Variants in ZNF385D observed in about 807,000 individuals in gnomAD.
ZNF385D encodes zinc finger protein 659.
Under a neutral mutation model 35.8 loss-of-function variants are expected in ZNF385D, and 15 were observed. That is an observed-to-expected ratio of 0.42 (90% CI 0.28 to 0.64). ZNF385D has a LOEUF of 0.64. Ranked by LOEUF, ZNF385D falls within the 30% of genes least tolerant of loss-of-function variation. The pLI is 0.23. For synonymous variants in ZNF385D, 212 were observed against 186.8 expected (o/e 1.13, Z -1.10); for missense variants, 474 against 494.6 (o/e 0.96, Z 0.39).
intron 2 of ZNF385D, among the ~76,000 whole-genome samples, chr3:22,214,136 T>C (rs1453283320): frequency 6.6e-6 from 1 of 152,108 alleles, no homozygotes; most frequent in Non-Finnish European, 1.5e-5. Flanking sequence ...CATGGACATT[T>C]ATTAGTTCCT....
chr3:21,840,869 A>T (rs1006594093), intron 3 of ZNF385D, among the ~76,000 whole-genome samples: 4 of 152,028 alleles, frequency 2.6e-5, no homozygotes, highest in African/African-American at 9.7e-5. Flanking sequence ...CCCTGGCTTC[A>T]AAGAGTTTGC....
At chr3:21,852,651 G>A (rs925768317) in intron 3 of ZNF385D, among the ~76,000 whole-genome samples, 1 of 151,852 alleles carries the variant, frequency 6.6e-6, no homozygotes, top group Admixed American at 6.6e-5. Flanking sequence ...TATTTCTACA[G>A]TACTACTTAG....
At chr3:21,858,329 A>G (rs1025732062) in intron 3 of ZNF385D, among the ~76,000 whole-genome samples, 4 of 152,048 alleles carry the variant, frequency 2.6e-5, no homozygotes, top group Non-Finnish European at 2.9e-5. Context: ...GAACAGTTAT[A>G]TGCACAGTGG....
At chr3:21,475,672 T>C (rs1294546712) in intron 4 of ZNF385D, among the ~76,000 whole-genome samples, 1 of 152,074 alleles carries the variant, frequency 6.6e-6, no homozygotes, top group African/African-American at 2.4e-5. Flanking sequence ...TGCTCAAAGT[T>C]AAAGGCACAC....
intron 3 of ZNF385D, among the ~76,000 whole-genome samples, chr3:22,106,581 GTCTC>G (rs960002427): frequency 3.3e-5 from 5 of 152,090 alleles, no homozygotes; most frequent in Non-Finnish European, 7.4e-5. Flanking sequence ...GTCAGCTTGA[GTCTC>G]TCTCTCACCA....
intron 3 of ZNF385D, among the ~76,000 whole-genome samples, chr3:21,790,267 A>C (rs2071873336): frequency 6.6e-6 from 1 of 151,960 alleles, no homozygotes; most frequent in Non-Finnish European, 1.5e-5. Context: ...CAATTAAAAA[A>C]GTGGCTCATA....
chr3:21,958,374 T>G (rs1003247382), intron 3 of ZNF385D, among the ~76,000 whole-genome samples: 20 of 152,262 alleles, frequency 1.3e-4, no homozygotes, highest in Non-Finnish European at 2.4e-4. Context: ...TGTGTAAGTT[T>G]CATACCTCAA....
intron 1 of ZNF385D, among the ~76,000 whole-genome samples, chr3:21,696,436 A>G (rs2067473460): frequency 6.6e-6 from 1 of 152,208 alleles, no homozygotes; most frequent in African/African-American, 2.4e-5. Flanking sequence ...ATTGGTTGTT[A>G]TTATTATATT....
At chr3:22,057,392 A>C (rs1323713170) in intron 3 of ZNF385D, among the ~76,000 whole-genome samples, 2 of 152,248 alleles carry the variant, frequency 1.3e-5, no homozygotes, top group Non-Finnish European at 2.9e-5. Flanking sequence ...TGTGTTAGAA[A>C]GGACTTGAAG....
intron 2 of ZNF385D, among the ~76,000 whole-genome samples, chr3:22,200,135 A>G (rs775175396): frequency 1.3e-5 from 2 of 152,154 alleles, no homozygotes; most frequent in Non-Finnish European, 2.9e-5. Context: ...ACACAGGGCC[A>G]TAGGATAATT....
chr3:22,312,629 G>A (rs1025430949), intron 2 of ZNF385D, among the ~76,000 whole-genome samples: 16 of 152,120 alleles, frequency 1.1e-4, no homozygotes, highest in East Asian at 3.9e-4. Flanking sequence ...AGACATTTAC[G>A]GAGCCAAAAA....
chr3:21,446,568 A>G (rs936919465), intron 4 of ZNF385D, among the ~76,000 whole-genome samples: 1 of 132,274 alleles, frequency 7.6e-6, no homozygotes, highest in Non-Finnish European at 1.5e-5. Flanking sequence ...ATCTCAGCTC[A>G]CTGCAACTTC....
At chr3:21,772,803 C>T (rs2071131563) in intron 3 of ZNF385D, among the ~76,000 whole-genome samples, 1 of 151,852 alleles carries the variant, frequency 6.6e-6, no homozygotes, top group Non-Finnish European at 1.5e-5. Context: ...CTGGAAGCAA[C>T]CCAAGTGTCC....
chr3:22,359,726 G>A (rs1292893329), intron 2 of ZNF385D, among the ~76,000 whole-genome samples: 1 of 151,838 alleles, frequency 6.6e-6, no homozygotes, highest in African/African-American at 2.4e-5. Flanking sequence ...TTGAGATAAC[G>A]GGAATGCCAG....
At chr3:21,939,478 C>CA (rs141487788) in intron 3 of ZNF385D, among the ~76,000 whole-genome samples, 27,838 of 151,356 alleles carry the variant, frequency 0.18, 3,363 homozygotes, top group East Asian at 0.4. Flanking sequence ...CACTTGTTCA[C>CA]AAAAAAAACC....
intron 3 of ZNF385D, among the ~76,000 whole-genome samples, chr3:21,804,482 T>C (rs1559638412): frequency 6.6e-6 from 1 of 152,184 alleles, no homozygotes; most frequent in Non-Finnish European, 1.5e-5. Flanking sequence ...AGAATTCCTA[T>C]GAACAAGAGA....
At chr3:22,196,801 T>C (rs889671929) in intron 2 of ZNF385D, among the ~76,000 whole-genome samples, 1 of 152,096 alleles carries the variant, frequency 6.6e-6, no homozygotes, top group African/African-American at 2.4e-5. Flanking sequence ...ATTCACCATT[T>C]TGATGATTAG....
chr3:21,912,662 C>T (rs78367999), intron 3 of ZNF385D, among the ~76,000 whole-genome samples: 2,005 of 152,050 alleles, frequency 0.013, 13 homozygotes, highest in Non-Finnish European at 0.018. Context: ...TATCCAGTGG[C>T]GATCATTAGA....
intron 1 of ZNF385D, among the ~76,000 whole-genome samples, chr3:21,689,307 C>T (rs1439564581): frequency 6.6e-6 from 1 of 152,082 alleles, no homozygotes; most frequent in Non-Finnish European, 1.5e-5. Flanking sequence ...ACCACTAATA[C>T]TCAGTCACTG....
Sources: gnomAD v4.1 joint callset for allele counts (sites outside exome capture counted in the v4.1 genomes callset) on GRCh38, gnomAD v4.1.1 for gene constraint, MANE v1.5 for transcripts, NCBI Gene and HGNC (gene_info 2026-07-23, HGNC 2026-07-21) for gene names.